The following MGAT4C variants were observed in gnomAD, a reference collection of about 807,000 sequenced individuals.
The protein encoded by MGAT4C is MGAT4 family member C.
A neutral mutation model predicts 40.1 loss-of-function variants in MGAT4C; 19 were observed. That is an observed-to-expected ratio of 0.47 (90% confidence interval 0.33 to 0.70). MGAT4C has a LOEUF of 0.70. Ranked by LOEUF, MGAT4C falls within the 30% of genes least tolerant of loss-of-function variation. The pLI is 0.02. For synonymous variants in MGAT4C, 181 were observed against 187.1 expected, an observed-to-expected ratio of 0.97 and a Z score of 0.27; for missense variants, 491 against 563.2, an observed-to-expected ratio of 0.87 and a Z score of 1.30.
At chr12:86,367,651 T>C (rs1023271037) in intron 3 of MGAT4C, among the ~76,000 whole-genome samples, 7 of 152,008 alleles carry the variant, frequency 4.6e-5, no homozygotes, top group African/African-American at 1.7e-4. Flanking sequence ...TACAAAAAAT[T>C]AGCTGGGCGT....
At chr12:86,603,348 T>G (rs1164670497) in intron 2 of MGAT4C, among the ~76,000 whole-genome samples, 1 of 134,142 alleles carries the variant, frequency 7.5e-6, no homozygotes, top group Non-Finnish European at 1.5e-5. Context: ...AGTATATAAT[T>G]ATATAGTATA....
intron 2 of MGAT4C, among the ~76,000 whole-genome samples, chr12:86,612,890 T>C (rs1962333586): frequency 6.6e-6 from 1 of 152,172 alleles, no homozygotes; most frequent in South Asian, 2.1e-4. Context: ...CTCATGTAAC[T>C]GCAAAACTGC....
chr12:86,315,451 C>A (rs1434648960), intron 4 of MGAT4C, among the ~76,000 whole-genome samples: 1 of 152,084 alleles, frequency 6.6e-6, no homozygotes, highest in African/African-American at 2.4e-5. Flanking sequence ...GCCTGTAATG[C>A]CAGCACTTTG....
At chr12:86,271,683 A>G (rs890624100) in intron 4 of MGAT4C, among the ~76,000 whole-genome samples, 1 of 152,204 alleles carries the variant, frequency 6.6e-6, no homozygotes, top group Non-Finnish European at 1.5e-5. Flanking sequence ...GAATATGTCC[A>G]AGGGAAACCT....
chr12:86,684,118 G>A, intron 2 of MGAT4C, among the ~76,000 whole-genome samples: 1 of 152,164 alleles, frequency 6.6e-6, no homozygotes, highest in East Asian at 1.9e-4. Flanking sequence ...GCTCACGCCT[G>A]TAACCCCAGC....
intron 1 of MGAT4C, among the ~76,000 whole-genome samples, chr12:86,100,437 C>G (rs1312909910): frequency 6.6e-6 from 1 of 151,266 alleles, no homozygotes; most frequent in Non-Finnish European, 1.5e-5. Context: ...CATCAACATT[C>G]AAGGTTAATG....
chr12:86,022,508 T>G (rs1449536563), intron 2 of MGAT4C: 1 of 152,270 alleles, frequency 6.6e-6, no homozygotes, highest in African/African-American at 2.4e-5. Flanking sequence ...GGCCCGGAGC[T>G]TGACACCAGC....
chr12:86,267,101 T>C (rs1184327799), intron 4 of MGAT4C, among the ~76,000 whole-genome samples: 3 of 152,150 alleles, frequency 2.0e-5, no homozygotes, highest in Non-Finnish European at 4.4e-5. Context: ...TCTTTTTTCA[T>C]TTAGATCGGC....
intron 1 of MGAT4C, among the ~76,000 whole-genome samples, chr12:86,186,460 T>C (rs1888762938): frequency 6.6e-6 from 1 of 152,170 alleles, no homozygotes; most frequent in Admixed American, 6.6e-5. Flanking sequence ...ACATTAAATG[T>C]AAATGCTGCA....
intron 2 of MGAT4C, among the ~76,000 whole-genome samples, chr12:86,605,060 G>T (rs931824358): frequency 6.6e-6 from 1 of 152,040 alleles, no homozygotes; most frequent in Non-Finnish European, 1.5e-5. Flanking sequence ...TGATCTATTT[G>T]TCATGATTAG....
intron 1 of MGAT4C, among the ~76,000 whole-genome samples, chr12:86,103,983 G>A (rs889451148): frequency 2.0e-5 from 3 of 151,998 alleles, no homozygotes; most frequent in Admixed American, 1.3e-4. Flanking sequence ...TTATTGGAAG[G>A]TCTTTTAAAA....
chr12:86,056,847 A>C (rs992587295), intron 1 of MGAT4C, among the ~76,000 whole-genome samples: 1 of 152,046 alleles, frequency 6.6e-6, no homozygotes, highest in Non-Finnish European at 1.5e-5. Flanking sequence ...TACACTCCCA[A>C]CAGTGTAAAA....
chr12:86,478,845 TA>T (rs1490939270), intron 2 of MGAT4C, among the ~76,000 whole-genome samples: 4 of 151,786 alleles, frequency 2.6e-5, no homozygotes, highest in Admixed American at 1.3e-4. Context: ...CAACTATTAA[TA>T]TTAAGTAATG....
Position 86,443,235 on chromosome 12 carries a change from T to A in MGAT4C, c.-228-7970A>T, listed in dbSNP as rs185021809. On this transcript the variant is annotated intron_variant, in intron 2 of 7. Transcript: ENST00000548651. ...ACACACACACACATATATACACATG[T>A]AAATTTCTGTTGACACAATACCGTA... Among the ~76,000 whole-genome samples, 344 of 152,124 alleles carry A rather than the reference T, an allele frequency of 2.3e-3. 3 individuals carry two copies. The highest frequency in any genetic ancestry group is 7.9e-3 in the African/African-American group (327 of 41,520).
intron 2 of MGAT4C, among the ~76,000 whole-genome samples, chr12:86,515,909 A>G (rs920176270): frequency 6.6e-6 from 1 of 151,222 alleles, no homozygotes; most frequent in East Asian, 1.9e-4. Context: ...CGCCCAGCTA[A>G]TTTTTTTTGT....
intron 1 of MGAT4C, among the ~76,000 whole-genome samples, chr12:86,191,751 G>GGGGT (rs1555243731): frequency 2.0e-5 from 2 of 98,572 alleles, no homozygotes; most frequent in African/African-American, 7.7e-5. Context: ...AGGAGATAAA[G>GGGGT]GTGTGTGTGT....
At chr12:86,036,641 C>G (rs765694829) in intron 2 of MGAT4C, among the ~76,000 whole-genome samples, 13 of 149,792 alleles carry the variant, frequency 8.7e-5, no homozygotes, top group Non-Finnish European at 1.9e-4. Context: ...AACCCCAGCA[C>G]GAAGCCAACT....
In MGAT4C at chr12:86,291,111, A is replaced by C. The variant is rs564353955; in HGVS notation, c.-57+42954T>G. Among the ~76,000 whole-genome samples, 4 of 152,310 alleles carry C rather than the reference A, an allele frequency of 2.6e-5. No individual in the cohort carries two copies. In the South Asian group the frequency reaches 8.3e-4, roughly 32 times the overall value. ...CACAAGCTTATCTGACTTTAAGGTGAGATACAAAGAGGCATGACAGCAAGA... is the reference window on the plus strand; with the variant it reads ...CACAAGCTTATCTGACTTTAAGGTGCGATACAAAGAGGCATGACAGCAAGA... On this transcript the variant is annotated intron_variant, in intron 4 of 7. Transcript: ENST00000548651.
intron 2 of MGAT4C, among the ~76,000 whole-genome samples, chr12:86,539,362 T>C (rs950353904): frequency 5.3e-5 from 8 of 152,248 alleles, no homozygotes; most frequent in African/African-American, 1.9e-4. Flanking sequence ...ACTCATCATT[T>C]TTTATGGCTA....
Sources: gnomAD v4.1 joint callset for allele counts (sites outside exome capture counted in the v4.1 genomes callset) on GRCh38, gnomAD v4.1.1 for gene constraint, MANE v1.5 for transcripts, NCBI Gene and HGNC (gene_info 2026-07-23, HGNC 2026-07-21) for gene names.